ANKRD29: variants seen among roughly 807,000 people sequenced by gnomAD.
The protein encoded by ANKRD29 is ankyrin repeat domain-containing protein 29.
In ANKRD29, 32 loss-of-function variants were observed where a neutral mutation model predicts 38.0. The ratio of observed to expected loss-of-function variants is 0.84; its 90% CI spans 0.64 to 1.13. The LOEUF (loss-of-function observed/expected upper bound fraction) is 1.13. ANKRD29 is among the 50% of genes most tolerant of loss of function. The pLI is 0.00. For missense variants in ANKRD29, 357 were observed against 377.9 expected, an observed-to-expected ratio of 0.94 and a Z score of 0.46; for synonymous variants, 135 against 152.4, an observed-to-expected ratio of 0.89 and a Z score of 0.84.
intron 3 of ANKRD29, among the ~76,000 whole-genome samples, chr18:23,643,125 C>T (rs2060098983): frequency 6.6e-6 from 1 of 152,182 alleles, no homozygotes; most frequent in Non-Finnish European, 1.5e-5. Flanking sequence ...GCTGATAACA[C>T]CACCACTGAG....
Position 23,600,670 on chromosome 18 carries a change from T to C in ANKRD29, c.*556A>G, listed in dbSNP as rs2145621284. On this transcript the variant is annotated 3_prime_UTR_variant, in exon 10 of 10. Transcript: ENST00000592179. The stretch of plus-strand genomic sequence containing the variant: ...AATGTCAGAAGTGGTTTTTTAATAA[T>C]GTATGTTTACACTTCATTGATTTAT... 6.5e-6 allele frequency: 1 copy of C among 152,826 alleles called. No individual in the cohort carries two copies. The highest frequency in any genetic ancestry group is 2.1e-4 in the South Asian group (1 of 4,828). The allele number at this position is 152,826 out of a possible 1,614,324, so 9.5% of individuals were successfully genotyped here.
Position 23,619,538 on chromosome 18 carries a change from G to A in ANKRD29, c.620C>T (p.Ala207Val), listed in dbSNP as rs954913043. The stretch of plus-strand genomic sequence containing the variant: ...CGCGACTCGGGCACTCACGTTCCGC[G>A]CAGCGTCGCGGTCGGCTCCGCGCAG... Reference protein sequence around the residue: ...MLLRGADRDAARNDGTTALLK... With the variant: ...MLLRGADRDAVRNDGTTALLK... The change falls in exon 7 of 10, where the codon GCG becomes GTG. Residue 207 changes from alanine to valine, a missense_variant. Ala to Val is a moderately conservative substitution (Grantham distance 64). Transcript: ENST00000592179. 3.8e-6 allele frequency: 6 copies of A among 1,590,512 alleles called. No individual in the cohort carries two copies. Among genetic ancestry groups the A allele is most frequent in the Non-Finnish European group, 5.1e-6 (6 of 1,176,554 alleles).
chr18:23,632,501 G>A (rs1218618490), intron 5 of ANKRD29, among the ~76,000 whole-genome samples: 1 of 141,206 alleles, frequency 7.1e-6, no homozygotes, highest in Admixed American at 7.1e-5. Context: ...AAACACTTTG[G>A]CTTTTCCTAT....
chr18:23,615,104 C>T (rs1350697342), intron 8 of ANKRD29, among the ~76,000 whole-genome samples: 1 of 152,208 alleles, frequency 6.6e-6, no homozygotes, highest in Non-Finnish European at 1.5e-5. Context: ...TCACAGTAAC[C>T]TTGAACTCCT....
At chr18:23,630,103 A>G in intron 5 of ANKRD29, 152 bp from the exon 6 acceptor site, 3 of 647,506 alleles carry the variant, frequency 4.6e-6, no homozygotes, top group Non-Finnish European at 5.3e-6. Context: ...AGCCTGGCCA[A>G]TATGGTGAAA....
chr18:23,631,746 T>C lies in ANKRD29; in HGVS notation c.430-1795A>G, dbSNP rs145378663. 2.3e-3 allele frequency among the ~76,000 whole-genome samples: 354 copies of C among 152,322 alleles called. 3 individuals carry two copies. Among genetic ancestry groups the C allele is most frequent in the African/African-American group, 8.3e-3 (344 of 41,562 alleles). ...CAAGTGCCCCTTTTCCAGTGCTCTTTAGTTTTCGTCTTAACTGAGTATCTA... is the reference window on the plus strand; with the variant it reads ...CAAGTGCCCCTTTTCCAGTGCTCTTCAGTTTTCGTCTTAACTGAGTATCTA... On this transcript the variant is annotated intron_variant, in intron 5 of 9. Transcript: ENST00000592179.
At chr18:23,612,341 C>A (rs1309159801) in intron 8 of ANKRD29, 151 bp from the exon 9 acceptor site, 2 of 628,174 alleles carry the variant, frequency 3.2e-6, no homozygotes, top group Non-Finnish European at 5.5e-6. Context: ...GTCACATCAG[C>A]CCCTAGTATA....
At chr18:23,613,852 C>T (rs1403840134) in intron 8 of ANKRD29, among the ~76,000 whole-genome samples, 1 of 152,080 alleles carries the variant, frequency 6.6e-6, no homozygotes. Flanking sequence ...CCTGCCTTGG[C>T]CTTCCAAAGT....
At chr18:23,601,349 C>CT in intron 9 of ANKRD29, 40 bp from the exon 10 acceptor site, 1 of 1,582,110 alleles carries the variant, frequency 6.3e-7, no homozygotes, top group East Asian at 2.2e-5. Flanking sequence ...ATCCCCATAG[C>CT]TGGTGTGGTT....
intron 9 of ANKRD29, among the ~76,000 whole-genome samples, chr18:23,603,643 A>T (rs1247588003): frequency 6.6e-6 from 1 of 152,194 alleles, no homozygotes; most frequent in Non-Finnish European, 1.5e-5. Context: ...TCACAAACAA[A>T]CAAACAAAAA....
At chr18:23,639,650 C>G (rs565677114) in intron 3 of ANKRD29, among the ~76,000 whole-genome samples, 1 of 151,936 alleles carries the variant, frequency 6.6e-6, no homozygotes, top group South Asian at 2.1e-4. Flanking sequence ...ATTCTCATGC[C>G]TCAGCCTCCC....
At chr18:23,652,614 T>C (rs2145733793) in intron 1 of ANKRD29, among the ~76,000 whole-genome samples, 1 of 152,336 alleles carries the variant, frequency 6.6e-6, no homozygotes, top group Admixed American at 6.5e-5. Flanking sequence ...ATAAATGGTG[T>C]GGCGAGAGAT....
intron 5 of ANKRD29, among the ~76,000 whole-genome samples, chr18:23,632,066 G>A (rs896887136): frequency 6.6e-6 from 1 of 152,194 alleles, no homozygotes; most frequent in African/African-American, 2.4e-5. Flanking sequence ...GGAGGGTCCT[G>A]GATTTTCAGT....
At chr18:23,648,941 T>C in intron 2 of ANKRD29, 142 bp downstream of exon 2, 1 of 696,638 alleles carries the variant, frequency 1.4e-6, no homozygotes, top group Non-Finnish European at 2.4e-6. Flanking sequence ...CCACAGTACC[T>C]TGGATGTTTT....
At position 23,638,959 on chromosome 18, in the gene ANKRD29, G is replaced by A; in HGVS notation, c.232-12C>T. ...GCAGTTGTACCTGACTGGGAGAGAG[G>A]GAGAGGCTAGTTTTAAAAGACATTT... On this transcript the variant is annotated splice_polypyrimidine_tract_variant and intron_variant, in intron 3 of 9. Transcript: ENST00000592179. The A allele has an allele frequency of 1.3e-6, 2 of 1,570,898 alleles. No homozygotes were observed. Among genetic ancestry groups the A allele is most frequent in the South Asian group, 1.2e-5 (1 of 85,528 alleles).
intron 9 of ANKRD29, among the ~76,000 whole-genome samples, chr18:23,605,619 C>A (rs560059618): frequency 6.6e-6 from 1 of 151,968 alleles, no homozygotes; most frequent in Non-Finnish European, 1.5e-5. Flanking sequence ...CTCCGCCTCC[C>A]GGGTTCAAGC....
Position 23,617,835 on chromosome 18 carries a change from G to A in ANKRD29, c.628-8C>T, listed in dbSNP as rs1049901535. 1 of 1,610,922 alleles carries A rather than the reference G, an allele frequency of 6.2e-7. No individual in the cohort carries two copies. Among genetic ancestry groups the A allele is most frequent in the Non-Finnish European group, 8.5e-7 (1 of 1,177,514 alleles). On this transcript the variant is annotated splice_polypyrimidine_tract_variant and splice_region_variant and intron_variant, in intron 7 of 9. Transcript: ENST00000592179. Reference sequence around the variant, plus strand: ...TAATGCTGTTGTGCCATCCTTAACAGAAAGAGGAAAATAAAAGTTGATTAT... The same window carrying A: ...TAATGCTGTTGTGCCATCCTTAACAAAAAGAGGAAAATAAAAGTTGATTAT...
chr18:23,629,865 G>C lies in ANKRD29; in HGVS notation c.516C>G (p.Asn172Lys). ...CAGTGGACATTACCTGCCTTGGCTG[G>C]TTGACTTTTGCTCCTGAAGCCAGCA... The part of the protein sequence containing the change: ...RLLLASGAKV[N>K]QPRQDGTAPL... Residue 172 changes from asparagine (N) to lysine (K), a missense_variant, in exon 6 of 10, where the codon AAC becomes AAG. Transcript: ENST00000592179. 1 of 1,613,966 alleles carries C rather than the reference G, an allele frequency of 6.2e-7. No individual in the cohort carries two copies. The highest frequency in any genetic ancestry group is 8.5e-7 in the Non-Finnish European group (1 of 1,180,008).
chr18:23,655,632 G>C (rs1401865064), intron 1 of ANKRD29, among the ~76,000 whole-genome samples: 1 of 151,732 alleles, frequency 6.6e-6, no homozygotes, highest in African/African-American at 2.4e-5. Flanking sequence ...TTTTAGTAGA[G>C]ATGGGGTTTC....
Sources: allele counts gnomAD v4.1 joint callset (sites outside exome capture counted in the v4.1 genomes callset), GRCh38; gene constraint gnomAD v4.1.1; transcripts MANE v1.5; gene names NCBI Gene and HGNC (gene_info 2026-07-23, HGNC 2026-07-21).